Variants in SPOCK3 observed in about 807,000 individuals in gnomAD.
SPOCK3 encodes the protein SPARC (osteonectin), cwcv and kazal like domains proteoglycan 3.
SPOCK3 carries 30 observed loss-of-function variants against 56.6 expected under a neutral mutation model. The observed-to-expected ratio is 0.53, with a 90% CI of 0.40 to 0.72. The LOEUF (loss-of-function observed/expected upper bound fraction) is 0.72. SPOCK3 is among the 30% of genes least tolerant of loss of function. The pLI is 0.00. For missense variants in SPOCK3, 527 were observed against 530.0 expected (o/e 0.99, Z 0.06); for synonymous variants, 196 against 183.3 (o/e 1.07, Z -0.56).
chr4:166,866,000 G>A (rs184459230), intron 6 of SPOCK3, among the ~76,000 whole-genome samples: 6 of 152,214 alleles, frequency 3.9e-5, no homozygotes, highest in African/African-American at 1.4e-4. Flanking sequence ...GAACAAAGCT[G>A]GAGGCATCAT....
At chr4:167,128,309 AC>A (rs1024539744) in intron 2 of SPOCK3, among the ~76,000 whole-genome samples, 1 of 151,846 alleles carries the variant, frequency 6.6e-6, no homozygotes, top group Non-Finnish European at 1.5e-5. Context: ...TTATTGCCAA[AC>A]AAAGGCTTTT....
At chr4:166,943,133 T>TA (rs1216809026) in intron 4 of SPOCK3, among the ~76,000 whole-genome samples, 2 of 152,214 alleles carry the variant, frequency 1.3e-5, no homozygotes, top group Non-Finnish European at 2.9e-5. Flanking sequence ...ACACACCAAT[T>TA]AAAAAACATT....
intron 4 of SPOCK3, among the ~76,000 whole-genome samples, chr4:166,916,662 A>G (rs1282931443): frequency 6.6e-6 from 1 of 152,166 alleles, no homozygotes; most frequent in Non-Finnish European, 1.5e-5. Context: ...AACAAAAACC[A>G]CAAAAAACCC....
At chr4:166,932,089 T>C (rs895938144) in intron 4 of SPOCK3, among the ~76,000 whole-genome samples, 1 of 152,180 alleles carries the variant, frequency 6.6e-6, no homozygotes, top group East Asian at 1.9e-4. Flanking sequence ...AATAATGCAT[T>C]TGACATGCAT....
chr4:166,945,110 T>G (rs1561038493), intron 4 of SPOCK3, among the ~76,000 whole-genome samples: 1 of 152,302 alleles, frequency 6.6e-6, no homozygotes, highest in East Asian at 1.9e-4. Flanking sequence ...TGGCTCATGT[T>G]GTTAACTTTG....
At chr4:166,904,282 G>T (rs1157040694) in intron 5 of SPOCK3, among the ~76,000 whole-genome samples, 4 of 151,836 alleles carry the variant, frequency 2.6e-5, no homozygotes, top group Non-Finnish European at 5.9e-5. Flanking sequence ...TTAAAATTAA[G>T]AAGTTAATGC....
chr4:166,981,696 T>C (rs1363442649), intron 4 of SPOCK3, among the ~76,000 whole-genome samples: 1 of 152,192 alleles, frequency 6.6e-6, no homozygotes, highest in Non-Finnish European at 1.5e-5. Flanking sequence ...TTCAGGTCAT[T>C]CCTGGCTTGA....
At chr4:166,909,539 GTATCAATGCATGGGT>G (rs2127087489) in intron 5 of SPOCK3, among the ~76,000 whole-genome samples, 1 of 152,104 alleles carries the variant, frequency 6.6e-6, no homozygotes, top group Non-Finnish European at 1.5e-5. Context: ...AAAACCATTT[GTATCAATGCATGGGT>G]CAACAATTCA....
chr4:166,854,587 A>G (rs974374699), intron 6 of SPOCK3, among the ~76,000 whole-genome samples: 4 of 152,218 alleles, frequency 2.6e-5, no homozygotes, highest in African/African-American at 4.8e-5. Flanking sequence ...AAAATAATGT[A>G]TGCTATTTTT....
intron 6 of SPOCK3, among the ~76,000 whole-genome samples, chr4:166,842,919 G>A (rs935441762): frequency 1.3e-5 from 2 of 152,190 alleles, no homozygotes; most frequent in African/African-American, 2.4e-5. Flanking sequence ...TTTGGGCTGC[G>A]GGGGACCCCA....
chr4:167,053,557 T>G (rs1051463094), intron 3 of SPOCK3, among the ~76,000 whole-genome samples: 1 of 151,590 alleles, frequency 6.6e-6, no homozygotes, highest in Admixed American at 6.6e-5. Context: ...TGGTGGAGGG[T>G]ACCTGTAATC....
chr4:167,013,508 A>G (rs1342674530), intron 3 of SPOCK3, among the ~76,000 whole-genome samples: 2 of 150,994 alleles, frequency 1.3e-5, no homozygotes, highest in African/African-American at 4.8e-5. Context: ...GAATATTAGT[A>G]TAAATAATAT....
intron 2 of SPOCK3, among the ~76,000 whole-genome samples, chr4:167,159,284 T>G (rs1765075890): frequency 6.6e-6 from 1 of 152,038 alleles, no homozygotes; most frequent in African/African-American, 2.4e-5. Context: ...ATGATTGTGA[T>G]AGGGTTCAAA....
intron 6 of SPOCK3, among the ~76,000 whole-genome samples, chr4:166,888,613 C>T (rs919536428): frequency 6.6e-6 from 1 of 151,652 alleles, no homozygotes; most frequent in Non-Finnish European, 1.5e-5. Flanking sequence ...CCAATAAAAA[C>T]AATGAATTAA....
chr4:167,184,043 A>G (rs549052569), intron 2 of SPOCK3, among the ~76,000 whole-genome samples: 1 of 152,330 alleles, frequency 6.6e-6, no homozygotes, highest in South Asian at 2.1e-4. Context: ...AATTTGTTTA[A>G]CTTCCCATTT....
At chr4:166,743,645 C>A (rs899630020) in intron 8 of SPOCK3, among the ~76,000 whole-genome samples, 2 of 152,204 alleles carry the variant, frequency 1.3e-5, no homozygotes, top group East Asian at 1.9e-4. Flanking sequence ...TGAGCCGAAG[C>A]AGGGCGGGAC....
Position 166,978,323 on chromosome 4 carries a change from G to T in SPOCK3, c.350+22026C>A, listed in dbSNP as rs544952971. On this transcript the variant is annotated intron_variant, in intron 4 of 10. Coordinates refer to ENST00000357545, the MANE Select transcript of SPOCK3 (RefSeq NM_001040159.2). ...AATGGCAAGCAGAGATTGAGTACAAGTAGGGAAAAAGGATAATGAACAGCA... is the reference window on the plus strand; with the variant it reads ...AATGGCAAGCAGAGATTGAGTACAATTAGGGAAAAAGGATAATGAACAGCA... 1.4e-4 allele frequency among the ~76,000 whole-genome samples: 21 copies of T among 152,254 alleles called. No individual in the cohort carries two copies. The South Asian group carries it at 4.1e-3, about 30-fold the overall frequency.
chr4:167,062,464 T>C (rs1755704382), intron 3 of SPOCK3, 28 bp downstream of exon 3: 2 of 1,544,070 alleles, frequency 1.3e-6, no homozygotes, highest in Non-Finnish European at 8.9e-7. Flanking sequence ...ATGTAAAGGT[T>C]TTTATTTTAA....
chr4:166,954,546 T>C lies in SPOCK3; in HGVS notation c.351-41803A>G, dbSNP rs577004333. 1.1e-4 allele frequency among the ~76,000 whole-genome samples: 17 copies of C among 152,296 alleles called. No homozygotes were observed. In the South Asian group the frequency reaches 3.5e-3, roughly 32 times the overall value. On this transcript the variant is annotated intron_variant, in intron 4 of 10. Transcript: ENST00000357545. ...TGGATATCCAGTTTTCCCAACACCA[T>C]TTAATGAAGCAACTGTCCTTTTCCC...
Sources: gnomAD v4.1 joint callset for allele counts (sites outside exome capture counted in the v4.1 genomes callset) on GRCh38, gnomAD v4.1.1 for gene constraint, MANE v1.5 for transcripts, NCBI Gene and HGNC (gene_info 2026-07-23, HGNC 2026-07-21) for gene names.